Variants in SPAG16 observed in about 807,000 individuals in gnomAD.
SPAG16 encodes the protein sperm-associated antigen 16 protein.
A neutral mutation model predicts 80.4 loss-of-function variants in SPAG16; 86 were observed. The ratio of observed to expected loss-of-function variants is 1.07; its 90% confidence interval spans 0.90 to 1.28. The LOEUF is 1.28. SPAG16 is among the 50% of genes most tolerant of loss of function. The probability of loss-of-function intolerance (pLI) is 0.00; values close to 1 mark genes in which losing one functional copy is unlikely to be tolerated. For missense variants in SPAG16, 870 were observed against 765.3 expected, an observed-to-expected ratio of 1.14 and a Z score of -1.61; for synonymous variants, 294 against 265.9, an observed-to-expected ratio of 1.11 and a Z score of -1.03.
At position 214,090,431 on chromosome 2, in the gene SPAG16, G is replaced by C. The variant is rs1576147100; in HGVS notation, c.1528-17765G>C. On this transcript the variant is annotated intron_variant, in intron 13 of 15. Transcript: ENST00000331683. ...TGTGACGATCAGATGTAGTGCCTCAGAGAGAGGCACCTTCACTGTATGTCA... is the reference window on the plus strand; with the variant it reads ...TGTGACGATCAGATGTAGTGCCTCACAGAGAGGCACCTTCACTGTATGTCA... Among the ~76,000 whole-genome samples, 3 of 151,812 alleles carry C rather than the reference G, an allele frequency of 2.0e-5. 1 individual carries two copies. Among genetic ancestry groups the C allele is most frequent in the East Asian group, 3.9e-4 (2 of 5,150 alleles).
At chr2:214,362,873 A>C (rs1699266816) in intron 15 of SPAG16, among the ~76,000 whole-genome samples, 1 of 151,938 alleles carries the variant, frequency 6.6e-6, no homozygotes, top group Admixed American at 6.6e-5. Flanking sequence ...TGCCATAATA[A>C]CACAAGATAG....
chr2:214,109,587 A>G (rs2053564274), intron 14 of SPAG16, among the ~76,000 whole-genome samples: 1 of 152,182 alleles, frequency 6.6e-6, no homozygotes, highest in Non-Finnish European at 1.5e-5. Flanking sequence ...TGCTCACTAA[A>G]AATTATATCT....
intron 13 of SPAG16, among the ~76,000 whole-genome samples, chr2:214,069,826 A>G (rs916533602): frequency 2.6e-4 from 39 of 152,080 alleles, no homozygotes; most frequent in African/African-American, 9.2e-4. Context: ...GAATGTAGGT[A>G]CCTTTCTAAT....
chr2:214,205,196 C>T (rs2058107820), intron 15 of SPAG16, among the ~76,000 whole-genome samples: 1 of 151,864 alleles, frequency 6.6e-6, no homozygotes, highest in South Asian at 2.1e-4. Flanking sequence ...TGCACTCCAG[C>T]CTGGGCAACA....
chr2:214,405,985 A>G (rs1443474388), intron 15 of SPAG16, among the ~76,000 whole-genome samples: 4 of 152,228 alleles, frequency 2.6e-5, no homozygotes, highest in Non-Finnish European at 5.9e-5. Flanking sequence ...TGACAAAGAA[A>G]TGGGCTCAAA....
chr2:213,770,627 T>C (rs1362030720), intron 10 of SPAG16, among the ~76,000 whole-genome samples: 1 of 152,002 alleles, frequency 6.6e-6, no homozygotes, highest in African/African-American at 2.4e-5. Context: ...AACACCCCCT[T>C]GACAGGCCCC....
chr2:213,421,027 A>G (rs1200863922), intron 9 of SPAG16, among the ~76,000 whole-genome samples: 1 of 152,202 alleles, frequency 6.6e-6, no homozygotes, highest in Non-Finnish European at 1.5e-5. Flanking sequence ...ATCCTCCCAG[A>G]GCCAGCAGGC....
At chr2:213,503,389 G>A (rs1000182343) in intron 10 of SPAG16, among the ~76,000 whole-genome samples, 5 of 152,100 alleles carry the variant, frequency 3.3e-5, no homozygotes, top group African/African-American at 1.2e-4. Context: ...GGTCATGTTG[G>A]CATATTACCT....
chr2:213,919,748 G>A (rs1299980016), intron 11 of SPAG16, among the ~76,000 whole-genome samples: 1 of 152,192 alleles, frequency 6.6e-6, no homozygotes, highest in Non-Finnish European at 1.5e-5. Context: ...ATGTGGCAAT[G>A]AGAAGAGTGT....
chr2:214,319,561 T>G (rs533495917), intron 15 of SPAG16, among the ~76,000 whole-genome samples: 1 of 150,376 alleles, frequency 6.6e-6, no homozygotes, highest in Non-Finnish European at 1.5e-5. Context: ...GTAATCTAGG[T>G]GAAAGTCATG....
chr2:214,279,216 C>T (rs1004783173), intron 15 of SPAG16, among the ~76,000 whole-genome samples: 2 of 151,972 alleles, frequency 1.3e-5, no homozygotes, highest in Admixed American at 6.6e-5. Context: ...CCTGCCTCAG[C>T]CTCCCAAGTA....
intron 12 of SPAG16, among the ~76,000 whole-genome samples, chr2:213,935,139 T>C (rs1381799928): frequency 1.3e-5 from 2 of 149,360 alleles, no homozygotes; most frequent in African/African-American, 2.5e-5. Flanking sequence ...TGGGCGGAGC[T>C]TGCAGTGAGC....
chr2:213,785,057 A>T (rs1040284813), intron 10 of SPAG16, among the ~76,000 whole-genome samples: 3 of 152,150 alleles, frequency 2.0e-5, no homozygotes, highest in African/African-American at 7.2e-5. Context: ...AGAAAGGTCT[A>T]TACCTCTCAT....
At chr2:213,987,890 A>G (rs1293405362) in intron 12 of SPAG16, among the ~76,000 whole-genome samples, 7 of 138,108 alleles carry the variant, frequency 5.1e-5, no homozygotes, top group African/African-American at 2.3e-4. Context: ...ATATAAACAT[A>G]TTTGTATAAA....
intron 10 of SPAG16, among the ~76,000 whole-genome samples, chr2:213,719,293 A>C (rs1477300299): frequency 1.1e-4 from 15 of 136,680 alleles, no homozygotes; most frequent in Admixed American, 4.5e-4. Context: ...ATACACCAAT[A>C]GGCACTCTGT....
Position 213,617,620 on chromosome 2 carries a change from C to T in SPAG16, c.1070+127530C>T, listed in dbSNP as rs376910920. Among the ~76,000 whole-genome samples the T allele has an allele frequency of 7.2e-5, 11 of 152,194 alleles. No individual in the cohort carries two copies. In the South Asian group the frequency reaches 8.3e-4, roughly 11 times the overall value. ...GCCTACAAAGTGCTGAGATTACAGG[C>T]GTGAGCCACTATGCCCGGCCCAAAA... is the stretch of plus-strand genomic sequence containing the variant. On this transcript the variant is annotated intron_variant, in intron 10 of 15. Coordinates refer to ENST00000331683, the MANE Select transcript of SPAG16 (RefSeq NM_024532.5).
At chr2:213,484,125 G>C (rs1032368019) in intron 9 of SPAG16, among the ~76,000 whole-genome samples, 1 of 151,820 alleles carries the variant, frequency 6.6e-6, no homozygotes, top group Non-Finnish European at 1.5e-5. Context: ...AGTTAAAAAA[G>C]TTTCAGGGAT....
intron 10 of SPAG16, among the ~76,000 whole-genome samples, chr2:213,799,558 A>G (rs2071251847): frequency 6.6e-6 from 1 of 152,110 alleles, no homozygotes; most frequent in Admixed American, 6.6e-5. Context: ...TGACATTCTG[A>G]TGTAATTTTT....
At chr2:213,785,841 T>C (rs2070306298) in intron 10 of SPAG16, among the ~76,000 whole-genome samples, 1 of 152,038 alleles carries the variant, frequency 6.6e-6, no homozygotes, top group South Asian at 2.1e-4. Flanking sequence ...ACCCCGTCTC[T>C]ACTAACAATA....
Sources: gnomAD v4.1 joint callset for allele counts (sites outside exome capture counted in the v4.1 genomes callset) on GRCh38, gnomAD v4.1.1 for gene constraint, MANE v1.5 for transcripts, NCBI Gene and HGNC (gene_info 2026-07-23, HGNC 2026-07-21) for gene names.